Variants in POLR1A observed in about 807,000 individuals in gnomAD.
POLR1A encodes RNA polymerase I subunit A.
In POLR1A, 84 loss-of-function variants were observed where a neutral mutation model predicts 205.3. The ratio of observed to expected loss-of-function variants is 0.41; its 90% confidence interval spans 0.34 to 0.49. The LOEUF is 0.49. Among genes scored for constraint, POLR1A ranks in the 20% least tolerant of loss-of-function variants. POLR1A has a pLI of 0.22. For missense variants in POLR1A, 1,645 were observed against 2,204.5 expected (o/e 0.75, Z 5.08); for synonymous variants, 799 against 863.7 (o/e 0.93, Z 1.31).
At chr2:86,040,595 T>G in intron 24 of POLR1A, 36 bp from the exon 25 acceptor site, 3 of 1,470,912 alleles carry the variant, frequency 2.0e-6, no homozygotes, top group Non-Finnish European at 2.7e-6. Context: ...GTGGGGGTTG[T>G]GGCAGGGGTC....
At chr2:86,076,801 C>G (rs946946309) in intron 11 of POLR1A, among the ~76,000 whole-genome samples, 1 of 152,244 alleles carries the variant, frequency 6.6e-6, no homozygotes, top group Non-Finnish European at 1.5e-5. Context: ...TCAAGGCCAA[C>G]AAGGGTGGCC....
chr2:86,064,203 C>T (rs57398459), intron 14 of POLR1A, among the ~76,000 whole-genome samples: 6,473 of 152,138 alleles, frequency 0.043, 260 homozygotes, highest in East Asian at 0.23. Flanking sequence ...AGAGTGACTA[C>T]ACTATGCAAG....
At chr2:86,034,106 A>G (rs1469008507) in intron 27 of POLR1A, among the ~76,000 whole-genome samples, 3 of 152,346 alleles carry the variant, frequency 2.0e-5, no homozygotes, top group East Asian at 3.9e-4. Context: ...GTATTCTGCA[A>G]TCTTGTTTGC....
rs1553431737 is a variant in POLR1A at position 86,022,889 on chromosome 2, C to CA, written c.*4533_*4534insT. ...GCCACTGTGCCCGGCCAGAATCAAT[C>CA]TTTTTTTTTTTCCTAAGACGGAGTC... On this transcript the variant is annotated 3_prime_UTR_variant, in exon 34 of 34. Coordinates refer to ENST00000263857, the MANE Select transcript of POLR1A (RefSeq NM_015425.6). 2 of 148,160 alleles carry CA rather than the reference C, an allele frequency of 1.3e-5. No homozygotes were observed. The highest frequency in any genetic ancestry group is 3.0e-5 in the Non-Finnish European group (2 of 66,758). 9.2% of individuals were successfully genotyped at this position (148,160 alleles called of 1,614,324 possible). A position where few individuals can be genotyped will look rare whatever the true frequency, so the allele number is the denominator to read the frequency against.
At chr2:86,062,245 T>C (rs938674371) in intron 14 of POLR1A, among the ~76,000 whole-genome samples, 1 of 152,178 alleles carries the variant, frequency 6.6e-6, no homozygotes, top group Non-Finnish European at 1.5e-5. Context: ...TAAAAAAGCC[T>C]GTACCAACCT....
intron 25 of POLR1A, chr2:86,040,138 CA>C (rs2104387857): frequency 2.7e-6 from 1 of 367,388 alleles, no homozygotes; most frequent in Admixed American, 4.3e-5. Flanking sequence ...TGCAGTCTCA[CA>C]GGCATCCCCA....
chr2:86,055,848 T>C (rs1672885346), intron 14 of POLR1A, among the ~76,000 whole-genome samples: 1 of 152,234 alleles, frequency 6.6e-6, no homozygotes, highest in Admixed American at 6.5e-5. Flanking sequence ...GAAGACTGGA[T>C]GCCTTCTGCC....
chr2:86,029,465 G>A (rs771495696), intron 31 of POLR1A, among the ~76,000 whole-genome samples: 7 of 152,142 alleles, frequency 4.6e-5, no homozygotes, highest in Non-Finnish European at 1.0e-4. Context: ...ATGAGCTGGT[G>A]AGCAGGTGGG....
intron 1 of POLR1A, among the ~76,000 whole-genome samples, chr2:86,105,111 A>G (rs1025996434): frequency 2.0e-5 from 3 of 152,240 alleles, no homozygotes; most frequent in Admixed American, 1.3e-4. Flanking sequence ...ATAGAGGAAG[A>G]GAGGGAGGTA....
chr2:86,041,245 CTGTGTGTG>C (rs9309630), intron 24 of POLR1A, among the ~76,000 whole-genome samples: 1 of 123,518 alleles, frequency 8.1e-6, no homozygotes, highest in Non-Finnish European at 1.8e-5. Context: ...GCTACAGTGT[CTGTGTGTG>C]TGTGTGTGTG....
rs1405840238 is a variant in POLR1A at position 86,074,108 on chromosome 2, G to A, written c.1611+922C>T. ...TGCCCCTCAGGACGGCGGTGAGAAC[G>A]AGAGGAAGCAAGAAGGCCTGTGATG... On this transcript the variant is annotated intron_variant, in intron 12 of 33. Coordinates refer to ENST00000263857, the MANE Select transcript of POLR1A (RefSeq NM_015425.6). Among the ~76,000 whole-genome samples, 5 of 152,188 alleles carry A rather than the reference G, an allele frequency of 3.3e-5. No individual in the cohort carries two copies. In the East Asian group the frequency reaches 9.6e-4, roughly 29 times the overall value.
At chr2:86,091,573 T>C (rs1673608694) in intron 3 of POLR1A, among the ~76,000 whole-genome samples, 1 of 152,220 alleles carries the variant, frequency 6.6e-6, no homozygotes, top group African/African-American at 2.4e-5. Flanking sequence ...TATTGGACTG[T>C]ACATATAATT....
intron 12 of POLR1A, among the ~76,000 whole-genome samples, chr2:86,073,363 C>A (rs1356292269): frequency 6.6e-6 from 1 of 152,150 alleles, no homozygotes; most frequent in African/African-American, 2.4e-5. Context: ...GGTGGCAGAG[C>A]TGAGCAGCTA....
rs535691084 is a variant in POLR1A at position 86,065,347 on chromosome 2, G to T, written c.1985C>A (p.Thr662Lys). Residue 662 changes from threonine (T) to lysine (K), a missense_variant, in exon 14 of 34, where the codon ACG becomes AAG. This residue lies in a region of POLR1A where 339 missense variants were observed against 415.1 expected (regional missense o/e 0.82). Transcript: ENST00000263857. Reference protein sequence around the residue: ...HYMELVYRGLTDKVGRVKLLS... With the variant: ...HYMELVYRGLKDKVGRVKLLS... ...GAGCTTCACGCGCCCCACTTTGTCC[G>T]TGAGTCCTCGGTACACCAGCTCCAT... is the stretch of plus-strand genomic sequence containing the variant. 4.3e-6 allele frequency: 7 copies of T among 1,614,132 alleles called. 1 individual carries two copies. In the South Asian group the frequency reaches 7.7e-5, roughly 18 times the overall value.
intron 14 of POLR1A, among the ~76,000 whole-genome samples, chr2:86,063,423 A>T (rs1445625357): frequency 6.6e-6 from 1 of 151,810 alleles, no homozygotes; most frequent in African/African-American, 2.4e-5. Context: ...TGAATTCTAC[A>T]ACACATTTAA....
chr2:86,076,089 G>A (rs1673278785), intron 11 of POLR1A, among the ~76,000 whole-genome samples: 1 of 152,232 alleles, frequency 6.6e-6, no homozygotes, highest in Non-Finnish European at 1.5e-5. Context: ...CTAAGAAAAT[G>A]CAGTGTGCTG....
chr2:86,085,599 C>G (rs570103343), intron 6 of POLR1A, among the ~76,000 whole-genome samples: 1 of 152,122 alleles, frequency 6.6e-6, no homozygotes, highest in Non-Finnish European at 1.5e-5. Context: ...GAAGATCGGT[C>G]GAATCTCCTC....
intron 14 of POLR1A, among the ~76,000 whole-genome samples, chr2:86,058,100 T>C (rs1442896117): frequency 6.6e-6 from 1 of 152,098 alleles, no homozygotes; most frequent in Non-Finnish European, 1.5e-5. Context: ...TCTACTCTAC[T>C]CTACTCTATT....
Position 86,066,537 on chromosome 2 carries a change from G to C in POLR1A, c.1867-1072C>G, listed in dbSNP as rs151087665. ...ATGTAGATTTTGTAAACTTTTCAAT[G>C]TTTATAGGAATTTGAGAAAAACCTG... On this transcript the variant is annotated intron_variant, in intron 13 of 33. Coordinates refer to ENST00000263857, the MANE Select transcript of POLR1A (RefSeq NM_015425.6). 7.9e-5 allele frequency among the ~76,000 whole-genome samples: 12 copies of C among 152,262 alleles called. 1 individual carries two copies. The highest frequency in any genetic ancestry group is 3.4e-3 in the Middle Eastern group (1 of 294).
Sources: allele counts gnomAD v4.1 joint callset (sites outside exome capture counted in the v4.1 genomes callset), GRCh38; gene constraint gnomAD v4.1.1; regional missense constraint gnomAD v4.1.1; transcripts MANE v1.5; gene names NCBI Gene and HGNC (gene_info 2026-07-23, HGNC 2026-07-21).